BPIFB2: variants seen among roughly 807,000 people sequenced by gnomAD.
The protein encoded by BPIFB2 is BPI fold-containing family B member 2.
A neutral mutation model predicts 50.1 loss-of-function variants in BPIFB2; 39 were observed. The ratio of observed to expected loss-of-function variants is 0.78; its 90% CI spans 0.60 to 1.02. The LOEUF (loss-of-function observed/expected upper bound fraction) is 1.02. BPIFB2 is among the 50% of genes least tolerant of loss of function. The pLI is 0.00. For missense variants in BPIFB2, 574 were observed against 585.8 expected, an observed-to-expected ratio of 0.98 and a Z score of 0.21; for synonymous variants, 280 against 256.3, an observed-to-expected ratio of 1.09 and a Z score of -0.88.
At chr20:33,023,240 C>A in intron 15 of BPIFB2, 102 bp from the exon 16 acceptor site, 3 of 1,225,922 alleles carry the variant, frequency 2.4e-6, no homozygotes, top group Admixed American at 1.7e-5. Context: ...TCACAACCCA[C>A]AGCAAGAATG....
Position 33,009,892 on chromosome 20 carries a change from C to T in BPIFB2, c.110-1132C>T, listed in dbSNP as rs2146348598. Among the ~76,000 whole-genome samples, 1 of 152,370 alleles carries T rather than the reference C, an allele frequency of 6.6e-6. No individual in the cohort carries two copies. On this transcript the variant is annotated intron_variant, in intron 2 of 15. Transcript: ENST00000170150. This position sits in a 1 kb window ranked among gnomAD's most constrained non-coding sequence, Gnocchi z 4.2. ...CCAGTGTCCTCCCCACCCCATCCTG[C>T]AAGCCCCAGAGTTCAAACCCTGCGT...
Position 33,008,597 on chromosome 20 carries a change from G to A in BPIFB2, c.23G>A (p.Gly8Asp). Residue 8 changes from glycine to aspartate, a missense_variant, in exon 2 of 16, where the codon GGC (glycine) becomes GAC (aspartate). Physicochemically the swap from Gly to Asp is moderately conservative, Grantham distance 94 (BLOSUM62 -1). Transcript: ENST00000170150. MAWASRL[G>D]LLLALLLPVV... The stretch of plus-strand genomic sequence containing the variant: ...GCCATGGCTTGGGCAAGTAGGCTGG[G>A]CCTGCTGCTGGCACTGCTGCTGCCC... The A allele has an allele frequency of 1.2e-6, 2 of 1,601,798 alleles. No homozygotes were observed. The highest frequency in any genetic ancestry group is 1.7e-6 in the Non-Finnish European group (2 of 1,174,416).
In BPIFB2 at chr20:33,008,666, A is replaced by T. The variant is rs6088066; in HGVS notation, c.92A>T (p.Lys31Met). The T allele has an allele frequency of 0.21, 339,974 of 1,602,844 alleles. 38,457 individuals carry two copies. The highest frequency in any genetic ancestry group is 0.23 in the Non-Finnish European group (269,928 of 1,174,072). Residue 31 changes from lysine (K) to methionine (M), a missense_variant, in exon 2 of 16, where the codon AAG (lysine) becomes ATG (methionine). Lys to Met is a moderately conservative substitution (Grantham distance 95, BLOSUM62 -1). Transcript: ENST00000170150. Reference sequence around the variant, plus strand: ...CCAGGCACCGTGGTCCGACTCAACAAGGCAGCATTGAGCTACGGTAAGCGG... The same window carrying T: ...CCAGGCACCGTGGTCCGACTCAACATGGCAGCATTGAGCTACGGTAAGCGG... ...STPGTVVRLN[K>M]AALSYVSEIG...
chr20:33,021,050 T>C (rs530232859), intron 13 of BPIFB2, among the ~76,000 whole-genome samples: 5 of 152,308 alleles, frequency 3.3e-5, no homozygotes, highest in African/African-American at 1.2e-4. Context: ...TCCACTCCGG[T>C]GAGCACTGCT....
chr20:33,018,643 C>A lies in BPIFB2; in HGVS notation c.676C>A (p.Leu226Ile), dbSNP rs778256470. The A allele has an allele frequency of 6.2e-7, 1 of 1,611,480 alleles. No homozygotes were observed. Among genetic ancestry groups the A allele is most frequent in the Non-Finnish European group, 8.5e-7 (1 of 1,178,768 alleles). The change falls in exon 9 of 16, where the codon CTC becomes ATC. Residue 226 changes from leucine to isoleucine, a missense_variant. Transcript: ENST00000170150. ...CCCCCTCCCACCCCTACAGGCTGTT[C>A]TCTTCCTGCTGGGCAAGCCCATCAT... ...DYISLEVNAV[L>I]FLLGKPIILP...
intron 4 of BPIFB2, 93 bp downstream of exon 4, chr20:33,013,000 C>A: frequency 9.7e-7 from 1 of 1,035,766 alleles, no homozygotes; most frequent in Non-Finnish European, 1.5e-6. Flanking sequence ...TCCTCCAGGG[C>A]CCTCATCCAG....
rs959363288 is a variant in BPIFB2, at chr20:33,009,838, G to T, written c.109+1155G>T. ...GCTGGAGGCCCACGCTGGACGCATTGCTCCCCAGGCTGGGCTGAGTGGCTA... is the reference window on the plus strand; with the variant it reads ...GCTGGAGGCCCACGCTGGACGCATTTCTCCCCAGGCTGGGCTGAGTGGCTA... On this transcript the variant is annotated intron_variant, in intron 2 of 15. Transcript: ENST00000170150. This position sits in a 1 kb window ranked among gnomAD's most constrained non-coding sequence, Gnocchi z 4.2. Among the ~76,000 whole-genome samples the T allele has an allele frequency of 1.3e-5, 2 of 152,248 alleles. No homozygotes were observed. Among genetic ancestry groups the T allele is most frequent in the South Asian group, 2.1e-4 (1 of 4,830 alleles).
At chr20:33,010,727 A>T (rs1990275230) in intron 2 of BPIFB2, among the ~76,000 whole-genome samples, 1 of 151,934 alleles carries the variant, frequency 6.6e-6, no homozygotes, top group African/African-American at 2.4e-5. Context: ...TCTGGTTGGA[A>T]CCTTGCAAGA....
intron 1 of BPIFB2, 86 bp downstream of exon 1, chr20:33,007,846 C>T (rs1194958464): frequency 6.6e-6 from 1 of 152,388 alleles, no homozygotes; most frequent in Non-Finnish European, 1.5e-5. Context: ...TCCAGCCACC[C>T]TCTGCAGAAG....
At position 33,017,107 on chromosome 20, in the gene BPIFB2, G is replaced by A. The variant is rs1189377225; in HGVS notation, c.577+5G>A. 1.9e-6 allele frequency: 3 copies of A among 1,613,694 alleles called. No individual in the cohort carries two copies. The highest frequency in any genetic ancestry group is 2.5e-6 in the Non-Finnish European group (3 of 1,179,870). On this transcript the variant is annotated splice_donor_5th_base_variant and intron_variant, in intron 7 of 15. Coordinates refer to ENST00000170150, the MANE Select transcript of BPIFB2 (RefSeq NM_025227.3). ...TCCACCTGGGCACCTTAATTGGTAA[G>A]ATCTGGGAGCCAGGGGAGGGGGCTG... is the stretch of plus-strand genomic sequence containing the variant.
At position 33,019,744 on chromosome 20, in the gene BPIFB2, G is replaced by A. The variant is rs1244295596; in HGVS notation, c.1074G>A (p.Leu358=). 4 of 1,604,470 alleles carry A rather than the reference G, an allele frequency of 2.5e-6. No individual in the cohort carries two copies. Among genetic ancestry groups the A allele is most frequent in the East Asian group, 2.2e-5 (1 of 44,670 alleles). The change falls in exon 11 of 16, where the codon CTG becomes CTA. Residue 358 remains leucine, a synonymous_variant. Coordinates refer to ENST00000170150, the MANE Select transcript of BPIFB2 (RefSeq NM_025227.3). The stretch of plus-strand genomic sequence containing the variant: ...CGGCTTTCCAGTCCCTCTTCTCCCT[G>A]GATGTGGTGAGTGCGGTGGGGCTGG... ...SNSAFQSLFS[L]DVVVNLRLQL...
chr20:33,017,071 G>A lies in BPIFB2; in HGVS notation c.546G>A (p.Gln182=), dbSNP rs762113397. The change falls in exon 7 of 16, where the codon CAG becomes CAA. Residue 182 remains glutamine, a synonymous_variant. Transcript: ENST00000170150. The part of the protein sequence containing the change: ...KLCLSISNLV[Q]GVNVHLGTLI... Reference sequence around the variant, plus strand: ...GCCTGAGCATCTCCAACCTGGTGCAGGGTGTCAATGTCCACCTGGGCACCT... The same window carrying A: ...GCCTGAGCATCTCCAACCTGGTGCAAGGTGTCAATGTCCACCTGGGCACCT... The A allele has an allele frequency of 2.5e-6, 4 of 1,614,134 alleles. No individual in the cohort carries two copies. Among genetic ancestry groups the A allele is most frequent in the Non-Finnish European group, 3.4e-6 (4 of 1,180,010 alleles).
intron 15 of BPIFB2, 33 bp downstream of exon 15, chr20:33,021,832 C>T (rs1978685684): frequency 1.3e-6 from 2 of 1,593,176 alleles, no homozygotes; most frequent in African/African-American, 1.3e-5. Context: ...AGAGGGGCCT[C>T]CTTCACTCAG....
At chr20:33,023,268 G>A in intron 15 of BPIFB2, 74 bp from the exon 16 acceptor site, 1 of 1,466,154 alleles carries the variant, frequency 6.8e-7, no homozygotes, top group Middle Eastern at 2.0e-4. Context: ...AGAACTCAGA[G>A]CCAGGCTGAG....
At chr20:33,021,407 G>A (rs995448750) in intron 14 of BPIFB2, 63 bp downstream of exon 14, 22 of 1,526,102 alleles carry the variant, frequency 1.4e-5, no homozygotes, top group South Asian at 9.4e-5. Context: ...ACATCTGCTC[G>A]GTGCTCAATC....
intron 5 of BPIFB2, among the ~76,000 whole-genome samples, chr20:33,014,879 G>A (rs1978358724): frequency 6.6e-6 from 1 of 152,226 alleles, no homozygotes; most frequent in Non-Finnish European, 1.5e-5. Flanking sequence ...GAACACAGAG[G>A]CCACCCTCCC....
chr20:33,021,934 AG>A, intron 15 of BPIFB2, 135 bp downstream of exon 15: 1 of 882,208 alleles, frequency 1.1e-6, no homozygotes, highest in Non-Finnish European at 1.8e-6. Context: ...TGAAATGAAA[AG>A]TCCAGGATGC....
chr20:33,013,858 C>T lies in BPIFB2; in HGVS notation c.357C>T (p.Asp119=). The change falls in exon 5 of 16, where the codon GAC becomes GAT. Residue 119 remains aspartate (D), a synonymous_variant. Transcript: ENST00000170150. The part of the protein sequence containing the change: ...ELTLPVELLA[D]TRVTQSSIRT... ...CGCTGCCTGTGGAACTGCTGGCTGA[C>T]ACCCGCGTGACCCAGAGCTCCATCA... 1 of 1,613,818 alleles carries T rather than the reference C, an allele frequency of 6.2e-7. No homozygotes were observed. The highest frequency in any genetic ancestry group is 8.5e-7 in the Non-Finnish European group (1 of 1,179,870).
chr20:33,013,737 G>A, intron 4 of BPIFB2, 73 bp from the exon 5 acceptor site: 5 of 1,537,634 alleles, frequency 3.3e-6, no homozygotes, highest in Non-Finnish European at 4.4e-6. Flanking sequence ...TGGGGAATTT[G>A]TAAGATCTAT....
Sources: gnomAD v4.1 joint callset for allele counts (sites outside exome capture counted in the v4.1 genomes callset) on GRCh38, gnomAD v4.1.1 for gene constraint, Gnocchi (gnomAD v3.1) non-coding constraint, MANE v1.5 for transcripts, NCBI Gene and HGNC (gene_info 2026-07-23, HGNC 2026-07-21) for gene names.